The following CCDC134 variants were observed in gnomAD, a reference collection of about 807,000 sequenced individuals.
CCDC134 encodes the protein coiled-coil domain containing 134.
In CCDC134, 27 loss-of-function variants were observed where a neutral mutation model predicts 25.6. The observed-to-expected ratio is 1.05, with a 90% CI of 0.78 to 1.45. CCDC134 has a LOEUF of 1.45. Ranked by LOEUF, CCDC134 falls within the 40% of genes most tolerant of loss-of-function variation. The pLI is 0.00. For missense variants in CCDC134, 261 were observed against 286.7 expected (o/e 0.91, Z 0.65); for synonymous variants, 110 against 115.0 (o/e 0.96, Z 0.28).
At chr22:41,808,765 G>A in intron 1 of CCDC134, 110 bp from the exon 2 acceptor site, 4 of 838,084 alleles carry the variant, frequency 4.8e-6, no homozygotes, top group South Asian at 4.4e-5. Flanking sequence ...TGGGTTCTTG[G>A]TATACAGAGG....
intron 1 of CCDC134, among the ~76,000 whole-genome samples, chr22:41,805,418 TA>T (rs1329841444): frequency 1.3e-5 from 2 of 150,530 alleles, no homozygotes; most frequent in Admixed American, 6.6e-5. Context: ...AGACCCTGTC[TA>T]AAAAATAAAA....
At chr22:41,822,838 G>A (rs2076658732) in intron 6 of CCDC134, among the ~76,000 whole-genome samples, 1 of 152,194 alleles carries the variant, frequency 6.6e-6, no homozygotes, top group Non-Finnish European at 1.5e-5. Flanking sequence ...TCCTAGTTGG[G>A]CCTACCACAT....
intron 6 of CCDC134, among the ~76,000 whole-genome samples, chr22:41,817,151 C>T (rs2076626478): frequency 6.6e-6 from 1 of 152,142 alleles, no homozygotes; most frequent in East Asian, 1.9e-4. Context: ...ACAATCCTAA[C>T]AATCTCAGGC....
chr22:41,809,354 T>C (rs569385646), intron 2 of CCDC134, among the ~76,000 whole-genome samples: 3 of 152,192 alleles, frequency 2.0e-5, no homozygotes, highest in African/African-American at 7.2e-5. Context: ...CGAAGATGAA[T>C]TACAACAAGT....
intron 6 of CCDC134, among the ~76,000 whole-genome samples, chr22:41,815,330 C>T (rs1207062432): frequency 6.6e-6 from 1 of 151,672 alleles, no homozygotes; most frequent in African/African-American, 2.4e-5. Flanking sequence ...CTCAGCCTCC[C>T]CAGTAGCTGG....
At chr22:41,804,304 T>G (rs1244093096) in intron 1 of CCDC134, among the ~76,000 whole-genome samples, 3 of 152,220 alleles carry the variant, frequency 2.0e-5, no homozygotes, top group Non-Finnish European at 4.4e-5. Flanking sequence ...ACCCATACAT[T>G]AGGCACAAGG....
intron 6 of CCDC134, among the ~76,000 whole-genome samples, chr22:41,818,936 C>T (rs964401908): frequency 1.6e-4 from 24 of 152,166 alleles, no homozygotes; most frequent in Admixed American, 9.2e-4. Flanking sequence ...CTCACTTAAA[C>T]GCAGGAGGAG....
intron 6 of CCDC134, among the ~76,000 whole-genome samples, chr22:41,817,739 T>C (rs7288832): frequency 6.8e-6 from 1 of 146,786 alleles, no homozygotes; most frequent in African/African-American, 2.7e-5. Flanking sequence ...CTTAAATAAA[T>C]AAATAAATAA....
intron 1 of CCDC134, among the ~76,000 whole-genome samples, chr22:41,806,482 A>C (rs1044118026): frequency 6.6e-6 from 1 of 151,924 alleles, no homozygotes; most frequent in Non-Finnish European, 1.5e-5. Flanking sequence ...GGCCTCCCAA[A>C]GTGCTGGGAT....
rs766993759 is a variant in CCDC134, at chr22:41,808,989, G to A, written c.99G>A (p.Glu33=). 17 of 1,612,574 alleles carry A rather than the reference G, an allele frequency of 1.1e-5. No individual in the cohort carries two copies. Among genetic ancestry groups the A allele is most frequent in the Middle Eastern group, 1.6e-4 (1 of 6,082 alleles). The change falls in exon 2 of 7, where the codon GAG becomes GAA. Residue 33 remains glutamate, a synonymous_variant. Coordinates refer to ENST00000255784, the MANE Select transcript of CCDC134 (RefSeq NM_024821.5). ...TLRTSLDPSL[E]IYKKMFEVKR... Reference sequence around the variant, plus strand: ...GGACCTCCCTGGACCCAAGCCTGGAGATCTGTATCCTTTGGGGTTGTAGTT... The same window carrying A: ...GGACCTCCCTGGACCCAAGCCTGGAAATCTGTATCCTTTGGGGTTGTAGTT...
intron 4 of CCDC134, 56 bp downstream of exon 4, chr22:41,810,347 C>A: frequency 6.8e-7 from 1 of 1,460,958 alleles, no homozygotes; most frequent in Non-Finnish European, 9.5e-7. Context: ...TCTCTAGCTG[C>A]TCCTTCTCTC....
intron 1 of CCDC134, among the ~76,000 whole-genome samples, chr22:41,803,539 G>A (rs9607843): frequency 0.065 from 9,914 of 152,154 alleles, 866 homozygotes; most frequent in African/African-American, 0.2. Context: ...AGGCCAAGAT[G>A]GCCAGATTGC....
At chr22:41,821,400 A>G (rs1198098173) in intron 6 of CCDC134, among the ~76,000 whole-genome samples, 2 of 151,562 alleles carry the variant, frequency 1.3e-5, no homozygotes, top group Non-Finnish European at 2.9e-5. Context: ...TACATGTGCC[A>G]TGCTGGTGTG....
In CCDC134 at chr22:41,813,832, C is replaced by T. The variant is rs749664199; in HGVS notation, c.564+10C>T. The T allele has an allele frequency of 1.9e-6, 3 of 1,613,352 alleles. No individual in the cohort carries two copies. The highest frequency in any genetic ancestry group is 2.5e-6 in the Non-Finnish European group (3 of 1,179,296). On this transcript the variant is annotated intron_variant, in intron 6 of 6. Coordinates refer to ENST00000255784, the MANE Select transcript of CCDC134 (RefSeq NM_024821.5). ...AATCGACCGCACAGAGGTGAGCTGC[C>T]AGGGCCTATGCCTGTGTCTGCTTTG... is the stretch of plus-strand genomic sequence containing the variant.
In CCDC134 at chr22:41,813,265, T is replaced by C; in HGVS notation, c.312T>C (p.Ala104=). 6.2e-7 allele frequency: 1 copy of C among 1,614,150 alleles called. No homozygotes were observed. The change falls in exon 5 of 7, where the codon GCT becomes GCC. Residue 104 remains alanine, a splice_region_variant and synonymous_variant. Transcript: ENST00000255784. The part of the protein sequence containing the change: ...PFPQDEKLKD[A]FSHVVENTAF... ...CACTCATCAGGGTCCTCTCGCCAGC[T>C]TTCTCCCACGTGGTGGAGAACACGG...
At chr22:41,823,220 ATTTTTT>A (rs34103607) in intron 6 of CCDC134, among the ~76,000 whole-genome samples, 1 of 127,456 alleles carries the variant, frequency 7.8e-6, no homozygotes, top group Non-Finnish European at 1.6e-5. Context: ...CATTACCAGA[ATTTTTT>A]TTTTTTTTTT....
Position 41,828,769 on chromosome 22 carries a change from G to A in CCDC134, c.*2946G>A, listed in dbSNP as rs2076691425. Among the ~76,000 whole-genome samples the A allele has an allele frequency of 6.6e-6, 1 of 152,202 alleles. No individual in the cohort carries two copies. The highest frequency in any genetic ancestry group is 6.5e-5 in the Admixed American group (1 of 15,280). The stretch of plus-strand genomic sequence containing the variant: ...AGCGCTACCAACTGCATATACCACT[G>A]TGGGAGTCGTGCTGGTGGCGGTAGT... On this transcript the variant is annotated 3_prime_UTR_variant, in exon 7 of 7. Transcript: ENST00000255784.
chr22:41,812,468 A>G (rs1221967928), intron 4 of CCDC134, among the ~76,000 whole-genome samples: 4 of 150,942 alleles, frequency 2.7e-5, no homozygotes, highest in African/African-American at 9.8e-5. Context: ...AGAGGAAGCC[A>G]AGTGAATGAA....
rs2076585527 is a variant in CCDC134, at chr22:41,809,864, C to T, written c.104-15C>T. On this transcript the variant is annotated splice_polypyrimidine_tract_variant and intron_variant, in intron 2 of 6. Transcript: ENST00000255784. The stretch of plus-strand genomic sequence containing the variant: ...AGGGCTATTGATGCCAGCCCCTTAA[C>T]TTAATTCTGCCCAGACAAGAAGATG... The T allele has an allele frequency of 6.2e-7, 1 of 1,613,992 alleles. No homozygotes were observed. Among genetic ancestry groups the T allele is most frequent in the African/African-American group, 1.3e-5 (1 of 74,928 alleles).
Sources: gnomAD v4.1 joint callset for allele counts (sites outside exome capture counted in the v4.1 genomes callset) on GRCh38, gnomAD v4.1.1 for gene constraint, MANE v1.5 for transcripts, NCBI Gene and HGNC (gene_info 2026-07-23, HGNC 2026-07-21) for gene names.